Variants in PCGF5 observed in about 807,000 individuals in gnomAD.
PCGF5 encodes the protein polycomb group ring finger 5.
A neutral mutation model predicts 44.3 loss-of-function variants in PCGF5; 9 were observed. The observed-to-expected ratio is 0.20, with a 90% CI of 0.12 to 0.35. The LOEUF is 0.35. Ranked by LOEUF, PCGF5 falls within the 10% of genes least tolerant of loss-of-function variation. PCGF5 has a pLI of 1.00. For missense variants in PCGF5, 146 were observed against 305.3 expected (o/e 0.48, Z 3.89); for synonymous variants, 95 against 102.5 (o/e 0.93, Z 0.44).
intron 1 of PCGF5, among the ~76,000 whole-genome samples, chr10:91,209,909 C>T (rs1049564669): frequency 2.6e-4 from 39 of 152,144 alleles, no homozygotes; most frequent in Admixed American, 2.0e-3. Flanking sequence ...CCAATATGCA[C>T]GTGTCAACTC....
At chr10:91,244,907 T>C (rs192048471) in intron 3 of PCGF5, among the ~76,000 whole-genome samples, 4 of 149,564 alleles carry the variant, frequency 2.7e-5, no homozygotes, top group African/African-American at 1.0e-4. Flanking sequence ...TGCTGAGTTA[T>C]TCATTTCAGA....
Position 91,239,932 on chromosome 10 carries a change from C to T in PCGF5, c.113-552C>T, listed in dbSNP as rs571331568. Among the ~76,000 whole-genome samples the T allele has an allele frequency of 3.3e-5, 5 of 152,268 alleles. No individual in the cohort carries two copies. In the South Asian group the frequency reaches 8.3e-4, roughly 25 times the overall value. On this transcript the variant is annotated intron_variant, in intron 2 of 9. Transcript: ENST00000336126. Reference sequence around the variant, plus strand: ...CAACTTGATACCATTATTCATACTTCGTGCTCCATGGAATTATAGTACCTA... The same window carrying T: ...CAACTTGATACCATTATTCATACTTTGTGCTCCATGGAATTATAGTACCTA...
rs191520745 is a variant in PCGF5, at chr10:91,242,111, C to T, written c.209+1531C>T. 7.3e-5 allele frequency among the ~76,000 whole-genome samples: 11 copies of T among 150,888 alleles called. No homozygotes were observed. The East Asian group carries it at 2.1e-3, about 29-fold the overall frequency. ...CCTCTCAACCAGGAGTGATTTTGCC[C>T]CCGGGATACATTTAGCAATATCTGG... On this transcript the variant is annotated intron_variant, in intron 3 of 9. Transcript: ENST00000336126.
At chr10:91,231,411 G>A (rs906283674) in intron 2 of PCGF5, among the ~76,000 whole-genome samples, 7 of 152,186 alleles carry the variant, frequency 4.6e-5, no homozygotes, top group Admixed American at 4.6e-4. Flanking sequence ...CTTGTGTTGA[G>A]GATAGGCCTC....
At chr10:91,159,452 A>G (rs1051966904), upstream of PCGF5, among the ~76,000 whole-genome samples, 25 of 152,168 alleles carry the variant, frequency 1.6e-4, no homozygotes, top group Non-Finnish European at 3.4e-4. Flanking sequence ...GACTGCCCTC[A>G]TAAAAGGAAC....
chr10:91,233,022 G>A (rs1320662823), intron 2 of PCGF5, among the ~76,000 whole-genome samples: 2 of 152,168 alleles, frequency 1.3e-5, no homozygotes, highest in Non-Finnish European at 2.9e-5. Context: ...TAGAGAGTTA[G>A]ATAGAGTTAG....
chr10:91,168,286 G>A (rs1255771129), intron 1 of PCGF5, among the ~76,000 whole-genome samples: 3 of 152,162 alleles, frequency 2.0e-5, no homozygotes, highest in Non-Finnish European at 4.4e-5. Context: ...GAGGTAGACA[G>A]GATGCTGAGA....
chr10:91,250,698 C>T (rs945720193), intron 5 of PCGF5, among the ~76,000 whole-genome samples: 6 of 151,408 alleles, frequency 4.0e-5, no homozygotes, highest in African/African-American at 1.2e-4. Flanking sequence ...AGGTGAAATA[C>T]ATTTGTATAT....
intron 1 of PCGF5, among the ~76,000 whole-genome samples, chr10:91,203,569 C>T (rs928565386): frequency 6.6e-6 from 1 of 152,160 alleles, no homozygotes; most frequent in African/African-American, 2.4e-5. Flanking sequence ...TCCTGTATTA[C>T]ATTGAACCAG....
chr10:91,172,830 C>T (rs561875211), intron 1 of PCGF5, among the ~76,000 whole-genome samples: 1 of 152,320 alleles, frequency 6.6e-6, no homozygotes, highest in African/African-American at 2.4e-5. Flanking sequence ...ATCTCTCCTT[C>T]CTCACTGGGA....
intron 2 of PCGF5, among the ~76,000 whole-genome samples, chr10:91,228,751 C>T (rs1844920293): frequency 6.6e-6 from 1 of 152,166 alleles, no homozygotes. Context: ...AAATCTTACA[C>T]TACATACACA....
Position 91,246,980 on chromosome 10 carries a change from TAGATAGATAGA to T in PCGF5, c.210-1524_210-1514del, listed in dbSNP as rs1174739058. Among the ~76,000 whole-genome samples, 39 of 133,238 alleles carry T rather than the reference TAGATAGATAGA, an allele frequency of 2.9e-4. No individual in the cohort carries two copies. In the South Asian group the frequency reaches 8.5e-3, roughly 29 times the overall value. The allele number at this position is 133,238 out of a possible 152,430, so 87.4% of individuals were successfully genotyped here. On this transcript the variant is annotated intron_variant, in intron 3 of 9. Transcript: ENST00000336126. The stretch of plus-strand genomic sequence containing the variant: ...ATGGATAGATGGATAGATAGATAGA[TAGATAGATAGA>T]TAGATAGATAGATAGATAGATAGAT...
chr10:91,229,420 T>C (rs1356157908), intron 2 of PCGF5, among the ~76,000 whole-genome samples: 2 of 152,174 alleles, frequency 1.3e-5, no homozygotes, highest in Admixed American at 1.3e-4. Flanking sequence ...GATCAATCTA[T>C]GAAAAGGTTT....
At chr10:91,247,031 T>C (rs1270783888) in intron 3 of PCGF5, among the ~76,000 whole-genome samples, 1 of 151,974 alleles carries the variant, frequency 6.6e-6, no homozygotes, top group Non-Finnish European at 1.5e-5. Context: ...AATCTGCCTA[T>C]ATGTTAGTTT....
At chr10:91,225,206 A>G (rs989545438) in intron 2 of PCGF5, among the ~76,000 whole-genome samples, 15 of 147,936 alleles carry the variant, frequency 1.0e-4, no homozygotes, top group African/African-American at 3.4e-4. Flanking sequence ...ATATTTTTAT[A>G]TATATCATAT....
intron 9 of PCGF5, among the ~76,000 whole-genome samples, chr10:91,272,688 G>T (rs1471473498): frequency 6.6e-6 from 1 of 152,068 alleles, no homozygotes. Context: ...CGGGAGGGTC[G>T]CTTGAGCCCA....
chr10:91,246,788 A>G (rs1233248264), intron 3 of PCGF5, among the ~76,000 whole-genome samples: 1 of 152,106 alleles, frequency 6.6e-6, no homozygotes, highest in East Asian at 1.9e-4. Flanking sequence ...TTTAGTTTAA[A>G]AAAAGCGAGA....
chr10:91,194,445 A>G lies in PCGF5; in HGVS notation c.-183-28244A>G, dbSNP rs1844090323. 2.0e-5 allele frequency among the ~76,000 whole-genome samples: 3 copies of G among 152,334 alleles called. No homozygotes were observed. In the South Asian group the frequency reaches 6.2e-4, roughly 32 times the overall value. On this transcript the variant is annotated intron_variant, in intron 1 of 9. Coordinates refer to the PCGF5 transcript ENST00000614189. ...CCAAGGAATGTGGGTGGCTGCTAGA[A>G]GGTGGAAATGGCAAGGAAACAAATT...
intron 8 of PCGF5, among the ~76,000 whole-genome samples, chr10:91,265,261 G>A (rs1015897673): frequency 7.9e-5 from 12 of 152,070 alleles, no homozygotes; most frequent in Admixed American, 7.9e-4. Flanking sequence ...GTTCAAGCAT[G>A]GGATATTAGG....
Sources: gnomAD v4.1 joint callset for allele counts (sites outside exome capture counted in the v4.1 genomes callset) on GRCh38, gnomAD v4.1.1 for gene constraint, MANE v1.5 for transcripts, NCBI Gene and HGNC (gene_info 2026-07-23, HGNC 2026-07-21) for gene names.